C9: variants seen among roughly 807,000 people sequenced by gnomAD.
C9 encodes the protein complement component C9.
C9 carries 63 observed loss-of-function variants against 65.4 expected under a neutral mutation model. That is an observed-to-expected ratio of 0.96 (90% CI 0.79 to 1.19). C9 has a LOEUF of 1.19. C9 is among the 50% of genes most tolerant of loss of function. The probability of loss-of-function intolerance (pLI) is 0.00; values close to 1 mark genes in which losing one functional copy is unlikely to be tolerated. For synonymous variants in C9, 229 were observed against 227.9 expected (o/e 1.00, Z -0.04); for missense variants, 744 against 670.1 (o/e 1.11, Z -1.22).
intron 4 of C9, among the ~76,000 whole-genome samples, chr5:39,332,282 C>G (rs1392788140): frequency 6.6e-6 from 1 of 152,174 alleles, no homozygotes; most frequent in Non-Finnish European, 1.5e-5. Context: ...TCACCCCATT[C>G]TCTTTAAACT....
chr5:39,289,102 A>G, intron 9 of C9, 151 bp from the exon 10 acceptor site: 1 of 649,080 alleles, frequency 1.5e-6, no homozygotes, highest in Non-Finnish European at 2.8e-6. Flanking sequence ...TAGCTTTTAA[A>G]CAATCAAAAC....
chr5:39,318,499 A>G (rs1439635045), intron 5 of C9, among the ~76,000 whole-genome samples: 1 of 151,768 alleles, frequency 6.6e-6, no homozygotes, highest in Non-Finnish European at 1.5e-5. Flanking sequence ...TGGGTTTTTC[A>G]TATATAGCTC....
chr5:39,364,281 T>A, intron 1 of C9, 107 bp downstream of exon 1: 1 of 731,580 alleles, frequency 1.4e-6, no homozygotes, highest in Non-Finnish European at 2.5e-6. Flanking sequence ...GGGCTCTGTA[T>A]ATTGCCATGT....
chr5:39,333,253 G>A (rs550076369), intron 4 of C9, among the ~76,000 whole-genome samples: 37 of 151,926 alleles, frequency 2.4e-4, no homozygotes, highest in African/African-American at 8.2e-4. Flanking sequence ...CCTCATCACC[G>A]GCAAAGTATA....
At chr5:39,286,483 A>G (rs1375131922) in intron 10 of C9, among the ~76,000 whole-genome samples, 1 of 152,056 alleles carries the variant, frequency 6.6e-6, no homozygotes, top group Non-Finnish European at 1.5e-5. Context: ...AACAGAAAAA[A>G]CTAGACAAAA....
chr5:39,294,422 A>G, intron 9 of C9, among the ~76,000 whole-genome samples: 1 of 151,900 alleles, frequency 6.6e-6, no homozygotes, highest in East Asian at 1.9e-4. Context: ...GTCATTAGAT[A>G]CTGCTATGAA....
intron 1 of C9, among the ~76,000 whole-genome samples, chr5:39,344,529 A>G (rs1229572137): frequency 6.6e-6 from 1 of 152,252 alleles, no homozygotes; most frequent in East Asian, 1.9e-4. Context: ...ATGTGAAAAG[A>G]TCAAATCTAT....
intron 1 of C9, among the ~76,000 whole-genome samples, chr5:39,346,807 A>C (rs1421401692): frequency 6.6e-6 from 1 of 152,228 alleles, no homozygotes; most frequent in Non-Finnish European, 1.5e-5. Context: ...GCAACACATC[A>C]AAAAGCTTAT....
intron 9 of C9, among the ~76,000 whole-genome samples, chr5:39,292,305 G>C (rs1753109806): frequency 6.6e-6 from 1 of 151,446 alleles, no homozygotes; most frequent in South Asian, 2.1e-4. Context: ...AGAAGACAAA[G>C]GGGTAATATC....
At chr5:39,350,370 G>A (rs995318099) in intron 1 of C9, among the ~76,000 whole-genome samples, 4 of 152,108 alleles carry the variant, frequency 2.6e-5, no homozygotes, top group African/African-American at 9.7e-5. Context: ...ACCCTGGCTT[G>A]TCCAAAATCT....
chr5:39,319,583 G>A (rs964031340), intron 5 of C9, among the ~76,000 whole-genome samples: 1 of 152,108 alleles, frequency 6.6e-6, no homozygotes, highest in Non-Finnish European at 1.5e-5. Context: ...CAGCACCTGG[G>A]ACTCAGTCTC....
chr5:39,353,727 C>T (rs1020312557), intron 1 of C9, among the ~76,000 whole-genome samples: 1 of 152,022 alleles, frequency 6.6e-6, no homozygotes, highest in African/African-American at 2.4e-5. Flanking sequence ...CAAAACAAAA[C>T]AAAACAAAAA....
At chr5:39,294,981 T>A (rs1753158620) in intron 9 of C9, among the ~76,000 whole-genome samples, 1 of 152,002 alleles carries the variant, frequency 6.6e-6, no homozygotes, top group East Asian at 1.9e-4. Context: ...TCTCAATAGA[T>A]GCAGAAAAAC....
Position 39,297,266 on chromosome 5 carries a change from A to G in C9, c.1417-8315T>C, listed in dbSNP as rs141242649. ...TTATCAAAATATCACTATGTACCCC[A>G]TAAGTATGTACAATTCTTATATGTC... is the stretch of plus-strand genomic sequence containing the variant. On this transcript the variant is annotated intron_variant, in intron 9 of 10. Transcript: ENST00000263408. Among the ~76,000 whole-genome samples the G allele has an allele frequency of 2.0e-3, 308 of 151,794 alleles. 1 individual carries two copies. The highest frequency in any genetic ancestry group is 7.0e-3 in the African/African-American group (292 of 41,538).
chr5:39,355,907 T>C (rs898421393), intron 1 of C9, among the ~76,000 whole-genome samples: 1 of 152,152 alleles, frequency 6.6e-6, no homozygotes, highest in African/African-American at 2.4e-5. Flanking sequence ...CGTATTGGAT[T>C]AAGGCCCACC....
chr5:39,295,336 A>G (rs1753165542), intron 9 of C9, among the ~76,000 whole-genome samples: 1 of 151,754 alleles, frequency 6.6e-6, no homozygotes, highest in Non-Finnish European at 1.5e-5. Context: ...TACACTTAGA[A>G]CTGACAATCG....
At position 39,322,434 on chromosome 5, in the gene C9, G is replaced by A. The variant is rs1753679560; in HGVS notation, c.616-6405C>T. Reference sequence around the variant, plus strand: ...ACATCTTAAGGAACTAAAAACTGAAGGGCAAACTAAGCTTACTAAACTAAA... The same window carrying A: ...ACATCTTAAGGAACTAAAAACTGAAAGGCAAACTAAGCTTACTAAACTAAA... On this transcript the variant is annotated intron_variant, in intron 5 of 10. Coordinates refer to ENST00000263408, the MANE Select transcript of C9 (RefSeq NM_001737.5). Among the ~76,000 whole-genome samples, 3 of 151,778 alleles carry A rather than the reference G, an allele frequency of 2.0e-5. No individual in the cohort carries two copies. In the South Asian group the frequency reaches 6.2e-4, roughly 31 times the overall value.
intron 1 of C9, among the ~76,000 whole-genome samples, chr5:39,344,004 A>G (rs1220042056): frequency 6.6e-6 from 1 of 152,194 alleles, no homozygotes; most frequent in Non-Finnish European, 1.5e-5. Context: ...AAGGACATCC[A>G]CACCAGAACC....
intron 5 of C9, among the ~76,000 whole-genome samples, chr5:39,329,196 T>C (rs1753802416): frequency 6.6e-6 from 1 of 152,190 alleles, no homozygotes; most frequent in African/African-American, 2.4e-5. Context: ...CTTCTACAGT[T>C]GTTCTTGGTC....
Sources: allele counts gnomAD v4.1 joint callset (sites outside exome capture counted in the v4.1 genomes callset), GRCh38; gene constraint gnomAD v4.1.1; transcripts MANE v1.5; gene names NCBI Gene and HGNC (gene_info 2026-07-23, HGNC 2026-07-21).